Variants in SLC18A2 observed in about 807,000 individuals in gnomAD.
The protein encoded by SLC18A2 is solute carrier family 18 member A2, also known as synaptic vesicular amine transporter.
SLC18A2 carries 33 observed loss-of-function variants against 59.2 expected under a neutral mutation model. The observed-to-expected ratio is 0.56, with a 90% CI of 0.42 to 0.75. The LOEUF (loss-of-function observed/expected upper bound fraction) is 0.75, where lower values mean the gene tolerates loss of function less well. Among genes scored for constraint, SLC18A2 ranks in the 30% least tolerant of loss-of-function variants. The pLI, the probability that SLC18A2 is intolerant of heterozygous loss-of-function variation, is 0.00. For missense variants in SLC18A2, 569 were observed against 668.6 expected (o/e 0.85, Z 1.64); for synonymous variants, 228 against 253.5 (o/e 0.90, Z 0.95).
Position 117,257,263 on chromosome 10 carries a change from T to C in SLC18A2, c.896-534T>C, listed in dbSNP as rs115199959. Among the ~76,000 whole-genome samples the C allele has an allele frequency of 7.3e-3, 1,119 of 152,272 alleles. 9 individuals carry two copies. Among genetic ancestry groups the C allele is most frequent in the African/African-American group, 0.025 (1,052 of 41,558 alleles). ...GGTTAAGAGATCATGAATATTTGCA[T>C]AGGTGCCCTTATGTACCGCTGAACC... On this transcript the variant is annotated intron_variant, in intron 9 of 15. Transcript: ENST00000644641.
rs534141143 is a variant in SLC18A2, at chr10:117,268,059, G to T, written c.1186+323G>T. 5.0e-5 allele frequency: 13 copies of T among 257,744 alleles called. No individual in the cohort carries two copies. The South Asian group carries it at 1.3e-3, about 25-fold the overall frequency. 16.0% of individuals were successfully genotyped at this position (257,744 alleles called of 1,614,324 possible). On this transcript the variant is annotated intron_variant, in intron 13 of 15. Transcript: ENST00000644641. ...TTTGTGGACTCCTCCCTATGAGCAG[G>T]TCTTCTCATGAGGCTGGGGGCAAAG...
rs1297006620 is a variant in SLC18A2, at chr10:117,279,225, G to A, written c.*1959G>A. The A allele has an allele frequency of 6.6e-6, 1 of 152,170 alleles. No homozygotes were observed. Among genetic ancestry groups the A allele is most frequent in the African/African-American group, 2.4e-5 (1 of 41,420 alleles). The allele number at this position is 152,170 out of a possible 1,614,324, so 9.4% of individuals were successfully genotyped here. A position where few individuals can be genotyped will look rare whatever the true frequency, so the allele number is the denominator to read the frequency against. On this transcript the variant is annotated 3_prime_UTR_variant, in exon 16 of 16. Coordinates refer to ENST00000644641, the MANE Select transcript of SLC18A2 (RefSeq NM_003054.6). Reference sequence around the variant, plus strand: ...TCTTGGTTAGCAAGACTGGAAAGAGGTGTTTTTTTAAAATGTACATACCAG... The same window carrying A: ...TCTTGGTTAGCAAGACTGGAAAGAGATGTTTTTTTAAAATGTACATACCAG...
rs775712614 is a variant in SLC18A2 at position 117,255,282 on chromosome 10, C to A, written c.706C>A (p.Pro236Thr). Reference protein sequence around the residue: ...GGLAMGVLVGPPFGSVLYEFV... With the variant: ...GGLAMGVLVGTPFGSVLYEFV... ...CCCACTTTCTCTCCCTGCAGTGGGC[C>A]CCCCCTTCGGGAGTGTGCTCTATGA... is the stretch of plus-strand genomic sequence containing the variant. The change falls in exon 7 of 16, where the codon CCC becomes ACC. Residue 236 changes from proline (P) to threonine (T), a missense_variant. Around this residue, in one of 2 missense-constraint regions of SLC18A2, gnomAD observed 377 missense variants for 389.8 expected, o/e 0.97. Coordinates refer to ENST00000644641, the MANE Select transcript of SLC18A2 (RefSeq NM_003054.6). 1.3e-5 allele frequency: 21 copies of A among 1,613,990 alleles called. No homozygotes were observed. The highest frequency in any genetic ancestry group is 1.7e-5 in the Non-Finnish European group (20 of 1,180,014).
In SLC18A2 at chr10:117,265,775, C is replaced by T. The variant is rs1036714899; in HGVS notation, c.992-958C>T. On this transcript the variant is annotated intron_variant, in intron 10 of 15. Transcript: ENST00000644641. Reference sequence around the variant, plus strand: ...TCAGAACCTGGGGGATGCAGGTGTCCTCTATGGGGACAGCAATAAAACTTG... The same window carrying T: ...TCAGAACCTGGGGGATGCAGGTGTCTTCTATGGGGACAGCAATAAAACTTG... 1.9e-4 allele frequency among the ~76,000 whole-genome samples: 29 copies of T among 152,092 alleles called. 1 individual carries two copies. Among genetic ancestry groups the T allele is most frequent in the Admixed American group, 1.7e-3 (26 of 15,258 alleles).
intron 2 of SLC18A2, 138 bp downstream of exon 2, chr10:117,241,952 T>C (rs1589976115): frequency 3.5e-6 from 3 of 865,066 alleles, no homozygotes; most frequent in East Asian, 6.4e-5. Context: ...AAAAAAGACA[T>C]CCCCTCCAGG....
Position 117,241,667 on chromosome 10 carries a change from C to T in SLC18A2, c.-15-12C>T, listed in dbSNP as rs762555554. 8 of 1,554,204 alleles carry T rather than the reference C, an allele frequency of 5.1e-6. No individual in the cohort carries two copies. In the South Asian group the frequency reaches 5.9e-5, roughly 11 times the overall value. Reference sequence around the variant, plus strand: ...GGCCGCCTTGGGTCCTCACCGCGCACCGCGCCCGCAGCGGAGCCCCGGAGC... The same window carrying T: ...GGCCGCCTTGGGTCCTCACCGCGCATCGCGCCCGCAGCGGAGCCCCGGAGC... On this transcript the variant is annotated splice_polypyrimidine_tract_variant and intron_variant, in intron 1 of 15. Coordinates refer to ENST00000644641, the MANE Select transcript of SLC18A2 (RefSeq NM_003054.6).
chr10:117,254,928 G>C (rs1844210884), intron 6 of SLC18A2, among the ~76,000 whole-genome samples: 1 of 152,214 alleles, frequency 6.6e-6, no homozygotes, highest in African/African-American at 2.4e-5. Context: ...TTTCCCGCCT[G>C]CTTCCAGGAG....
intron 13 of SLC18A2, 68 bp downstream of exon 13, chr10:117,267,804 T>C (rs1379364748): frequency 2.4e-6 from 3 of 1,226,398 alleles, no homozygotes; most frequent in African/African-American, 2.9e-5. Flanking sequence ...CTTCTTCCTC[T>C]GGTAGACTGT....
chr10:117,267,710 C>A lies in SLC18A2; in HGVS notation c.1160C>A (p.Pro387Gln). ...FAKNIYGLIA[P>Q]NFGVGFAIGM... ...AAAAACATTTATGGACTCATAGCTCCGAACTTTGGAGTTGGTTTTGCAATT... is the reference window on the plus strand; with the variant it reads ...AAAAACATTTATGGACTCATAGCTCAGAACTTTGGAGTTGGTTTTGCAATT... Residue 387 changes from proline (P) to glutamine (Q), a missense_variant, in exon 13 of 16, where the codon CCG becomes CAG. Transcript: ENST00000644641. 1 of 1,566,426 alleles carries A rather than the reference C, an allele frequency of 6.4e-7. No individual in the cohort carries two copies. The highest frequency in any genetic ancestry group is 8.7e-7 in the Non-Finnish European group (1 of 1,143,266).
Position 117,270,179 on chromosome 10 carries a change from G to T in SLC18A2, c.1295G>T (p.Gly432Val). 4.3e-6 allele frequency: 7 copies of T among 1,614,170 alleles called. No individual in the cohort carries two copies. Among genetic ancestry groups the T allele is most frequent in the Non-Finnish European group, 5.9e-6 (7 of 1,180,034 alleles). ...YAIADVAFCMGYAIGPSAGGA... is the reference protein window; with the variant it reads ...YAIADVAFCMVYAIGPSAGGA... ...ATTGCGGATGTGGCATTTTGTATGGGGTATGCTATAGGTAAGGACATTGGC... is the reference window on the plus strand; with the variant it reads ...ATTGCGGATGTGGCATTTTGTATGGTGTATGCTATAGGTAAGGACATTGGC... The change falls in exon 14 of 16, where the codon GGG becomes GTG. Residue 432 changes from glycine to valine, a missense_variant. Physicochemically the swap from Gly to Val is moderately radical, Grantham distance 109. This residue lies in a region of SLC18A2 where 192 missense variants were observed against 278.8 expected (regional missense o/e 0.69). Coordinates refer to ENST00000644641, the MANE Select transcript of SLC18A2 (RefSeq NM_003054.6).
intron 3 of SLC18A2, 86 bp from the exon 4 acceptor site, chr10:117,253,313 C>T (rs962587439): frequency 8.1e-6 from 8 of 986,658 alleles, no homozygotes; most frequent in Non-Finnish European, 1.3e-5. Context: ...TGTCTGATCC[C>T]AAAGGGTAGC....
intron 5 of SLC18A2, 111 bp downstream of exon 5, chr10:117,254,242 G>T: frequency 8.2e-7 from 1 of 1,222,982 alleles, no homozygotes; most frequent in Non-Finnish European, 1.2e-6. Context: ...GATTCTTGGA[G>T]AAGGCACCCA....
At chr10:117,250,401 G>A (rs3753127) in intron 3 of SLC18A2, among the ~76,000 whole-genome samples, 10,812 of 152,224 alleles carry the variant, frequency 0.071, 780 homozygotes, top group African/African-American at 0.18. Flanking sequence ...GTGAGGGTTT[G>A]GACTGGCTAG....
chr10:117,255,981 G>A (rs1300545844), intron 9 of SLC18A2, among the ~76,000 whole-genome samples: 2 of 152,130 alleles, frequency 1.3e-5, no homozygotes, highest in Non-Finnish European at 2.9e-5. Context: ...TTGTATGGAA[G>A]GCCATCATTG....
intron 12 of SLC18A2, chr10:117,267,281 T>C (rs1844359146): frequency 1.9e-6 from 1 of 527,616 alleles, no homozygotes; most frequent in African/African-American, 1.9e-5. Context: ...CCCTGCATCA[T>C]CTTAAGCTTG....
intron 3 of SLC18A2, among the ~76,000 whole-genome samples, chr10:117,249,318 C>T (rs1418841482): frequency 1.3e-5 from 2 of 152,226 alleles, no homozygotes; most frequent in Non-Finnish European, 2.9e-5. Context: ...GAACAGGGCT[C>T]ACGCCCAGGA....
intron 1 of SLC18A2, 73 bp from the exon 2 acceptor site, chr10:117,241,606 T>A (rs551032913): frequency 7.0e-7 from 1 of 1,425,538 alleles, no homozygotes; most frequent in East Asian, 3.0e-5. Flanking sequence ...GACCCGCCCT[T>A]CCGCGGCCTG....
chr10:117,250,190 C>T (rs554087286), intron 3 of SLC18A2, among the ~76,000 whole-genome samples: 10 of 152,264 alleles, frequency 6.6e-5, no homozygotes, highest in South Asian at 6.2e-4. Context: ...GCCTTGAAGC[C>T]GAGCTCTGGG....
At chr10:117,245,739 G>T (rs750153947) in intron 3 of SLC18A2, among the ~76,000 whole-genome samples, 45 of 152,058 alleles carry the variant, frequency 3.0e-4, no homozygotes, top group Non-Finnish European at 4.9e-4. Flanking sequence ...AGGAAGCCTG[G>T]GGTGGTGGCT....
Sources: gnomAD v4.1 joint callset for allele counts (sites outside exome capture counted in the v4.1 genomes callset) on GRCh38, gnomAD v4.1.1 for gene constraint, gnomAD v4.1.1 regional missense constraint, MANE v1.5 for transcripts, NCBI Gene and HGNC (gene_info 2026-07-23, HGNC 2026-07-21) for gene names.